GRM1: variants seen among roughly 807,000 people sequenced by gnomAD.
GRM1 encodes metabotropic glutamate receptor 1.
GRM1 carries 33 observed loss-of-function variants against 90.9 expected under a neutral mutation model. The ratio of observed to expected loss-of-function variants is 0.36; its 90% confidence interval spans 0.28 to 0.49. The LOEUF is 0.49. GRM1 is among the 20% of genes least tolerant of loss of function. GRM1 has a pLI of 0.99. For synonymous variants in GRM1, 700 were observed against 613.2 expected (o/e 1.14, Z -2.09); for missense variants, 1,190 against 1,534.3 (o/e 0.78, Z 3.75).
chr6:146,244,684 A>G (rs1357659034), intron 2 of GRM1, among the ~76,000 whole-genome samples: 3 of 152,194 alleles, frequency 2.0e-5, no homozygotes, highest in African/African-American at 7.2e-5. Flanking sequence ...TTTAAGTGCT[A>G]GTTAACCGTG....
chr6:146,358,505 CACAG>C (rs1785677375), intron 5 of GRM1, among the ~76,000 whole-genome samples: 1 of 152,162 alleles, frequency 6.6e-6, no homozygotes, highest in Non-Finnish European at 1.5e-5. Context: ...CATCTTGAGG[CACAG>C]ACAGGCTGTC....
At chr6:146,198,028 T>C (rs1287247036) in intron 2 of GRM1, among the ~76,000 whole-genome samples, 1 of 152,218 alleles carries the variant, frequency 6.6e-6, no homozygotes, top group Non-Finnish European at 1.5e-5. Context: ...AACAAAGGGA[T>C]ACAAGGACAC....
intron 2 of GRM1, among the ~76,000 whole-genome samples, chr6:146,263,132 T>C (rs972712411): frequency 2.6e-5 from 4 of 151,984 alleles, no homozygotes; most frequent in Non-Finnish European, 5.9e-5. Flanking sequence ...TAGAAACGTA[T>C]CAGGATACTG....
At chr6:146,405,613 G>A (rs1159011801) in intron 7 of GRM1, among the ~76,000 whole-genome samples, 2 of 152,202 alleles carry the variant, frequency 1.3e-5, no homozygotes, top group African/African-American at 4.8e-5. Flanking sequence ...CCACCATCTT[G>A]CTGTGTGCTC....
intron 1 of GRM1, among the ~76,000 whole-genome samples, chr6:146,075,041 A>G (rs1334533197): frequency 6.6e-6 from 1 of 152,204 alleles, no homozygotes; most frequent in East Asian, 1.9e-4. Context: ...CAGAGTTCAT[A>G]TGCTATGAAA....
chr6:146,241,050 ATGCC>A (rs1239187080), intron 2 of GRM1, among the ~76,000 whole-genome samples: 7 of 152,092 alleles, frequency 4.6e-5, no homozygotes, highest in Non-Finnish European at 1.0e-4. Context: ...ACCAAAATCT[ATGCC>A]TGCCTCAGCA....
At chr6:146,245,919 T>A (rs756883035) in intron 2 of GRM1, among the ~76,000 whole-genome samples, 1 of 152,236 alleles carries the variant, frequency 6.6e-6, no homozygotes, top group African/African-American at 2.4e-5. Flanking sequence ...TTTATTAAAT[T>A]GTGTTCTACA....
chr6:146,120,474 G>A (rs974251623), intron 1 of GRM1, among the ~76,000 whole-genome samples: 1 of 152,116 alleles, frequency 6.6e-6, no homozygotes, highest in Non-Finnish European at 1.5e-5. Flanking sequence ...CCAACACTAT[G>A]TTGAATAGGA....
At chr6:146,303,492 G>A (rs1438436200) in intron 2 of GRM1, among the ~76,000 whole-genome samples, 3 of 151,962 alleles carry the variant, frequency 2.0e-5, no homozygotes, top group East Asian at 1.9e-4. Context: ...GATGTAGATC[G>A]TCTAGTTTCT....
intron 2 of GRM1, among the ~76,000 whole-genome samples, chr6:146,224,025 A>G (rs1780157492): frequency 6.6e-6 from 1 of 152,088 alleles, no homozygotes; most frequent in South Asian, 2.1e-4. Flanking sequence ...TTCATTACTT[A>G]TGAATAATTT....
chr6:146,053,055 T>C (rs1011146502), intron 1 of GRM1, among the ~76,000 whole-genome samples: 6 of 152,100 alleles, frequency 3.9e-5, no homozygotes, highest in African/African-American at 1.4e-4. Flanking sequence ...TCCCAGATTC[T>C]GTAACATAGT....
Position 146,322,665 on chromosome 6 carries a change from A to G in GRM1, c.1186+17819A>G, listed in dbSNP as rs545117976. Among the ~76,000 whole-genome samples the G allele has an allele frequency of 7.5e-4, 113 of 151,520 alleles. 1 individual carries two copies. Among genetic ancestry groups the G allele is most frequent in the Non-Finnish European group, 1.4e-3 (94 of 67,922 alleles). On this transcript the variant is annotated intron_variant, in intron 3 of 7. Coordinates refer to ENST00000282753, the MANE Select transcript of GRM1 (RefSeq NM_001278064.2). ...TGTGCACAACGTGCAGGTTTGTTACATATGTATACATGTGCCATGTTGGTG... is the reference window on the plus strand; with the variant it reads ...TGTGCACAACGTGCAGGTTTGTTACGTATGTATACATGTGCCATGTTGGTG...
At chr6:146,431,018 T>TA (rs1309285904) in intron 7 of GRM1, among the ~76,000 whole-genome samples, 1 of 152,212 alleles carries the variant, frequency 6.6e-6, no homozygotes, top group Non-Finnish European at 1.5e-5. Flanking sequence ...GGACCACAGG[T>TA]AAGAAATGAC....
intron 5 of GRM1, among the ~76,000 whole-genome samples, chr6:146,381,022 C>T (rs1776299492): frequency 6.6e-6 from 1 of 152,280 alleles, no homozygotes; most frequent in South Asian, 2.1e-4. Flanking sequence ...CCAACTCTTT[C>T]CTCTCCTTTG....
intron 1 of GRM1, among the ~76,000 whole-genome samples, chr6:146,139,150 C>T (rs1157067134): frequency 6.6e-6 from 1 of 151,782 alleles, no homozygotes; most frequent in Admixed American, 6.6e-5. Context: ...CTCTTGAGTT[C>T]TAGTTTTATT....
At chr6:146,047,815 A>C (rs1791389225) in intron 1 of GRM1, among the ~76,000 whole-genome samples, 1 of 152,000 alleles carries the variant, frequency 6.6e-6, no homozygotes, top group Non-Finnish European at 1.5e-5. Context: ...TTATTGGACA[A>C]ATCTTAATCC....
chr6:146,324,784 C>T (rs938559262), intron 3 of GRM1, among the ~76,000 whole-genome samples: 23 of 152,202 alleles, frequency 1.5e-4, no homozygotes, highest in Non-Finnish European at 3.2e-4. Flanking sequence ...GTGAGATGAG[C>T]CAGGTACCTC....
intron 3 of GRM1, among the ~76,000 whole-genome samples, chr6:146,346,462 T>C (rs1472166598): frequency 2.6e-5 from 4 of 152,220 alleles, no homozygotes; most frequent in Non-Finnish European, 4.4e-5. Flanking sequence ...ATTTGTTATA[T>C]TTTTCTATGA....
rs183119801 is a variant in GRM1 at position 146,128,842 on chromosome 6, C to T, written c.701-30506C>T. 7.2e-5 allele frequency among the ~76,000 whole-genome samples: 11 copies of T among 152,230 alleles called. No individual in the cohort carries two copies. The East Asian group carries it at 2.1e-3, about 29-fold the overall frequency. On this transcript the variant is annotated intron_variant, in intron 1 of 7. Coordinates refer to ENST00000282753, the MANE Select transcript of GRM1 (RefSeq NM_001278064.2). ...TCATTCCACTCTCTCATCCCAGCAT[C>T]CTTGGCCATTTCCCTAAAAGTACAG...
Sources: allele counts gnomAD v4.1 joint callset (sites outside exome capture counted in the v4.1 genomes callset), GRCh38; gene constraint gnomAD v4.1.1; transcripts MANE v1.5; gene names NCBI Gene and HGNC (gene_info 2026-07-23, HGNC 2026-07-21).